HNF1B: variants seen among roughly 807,000 people sequenced by gnomAD.
HNF1B encodes HNF1 homeobox B.
Under a neutral mutation model 61.7 loss-of-function variants are expected in HNF1B, and 8 were observed. The observed-to-expected ratio is 0.13, with a 90% CI of 0.08 to 0.23. HNF1B has a LOEUF of 0.23. HNF1B is among the 10% of genes least tolerant of loss of function. The pLI, the probability that HNF1B is intolerant of heterozygous loss-of-function variation, is 1.00. For missense variants in HNF1B, 562 were observed against 714.5 expected (o/e 0.79, Z 2.43); for synonymous variants, 314 against 287.7 (o/e 1.09, Z -0.93).
At chr17:37,735,914 C>T (rs2033819904) in intron 2 of HNF1B, among the ~76,000 whole-genome samples, 1 of 152,220 alleles carries the variant, frequency 6.6e-6, no homozygotes, top group Admixed American at 6.5e-5. Flanking sequence ...GTGCAGGCCA[C>T]CACATCTGAC....
At chr17:37,714,263 A>T (rs1236440717) in intron 4 of HNF1B, among the ~76,000 whole-genome samples, 4 of 152,242 alleles carry the variant, frequency 2.6e-5, no homozygotes, top group African/African-American at 9.6e-5. Context: ...TGTTTAAAAG[A>T]CATTTTTAGG....
At chr17:37,738,327 C>G (rs1184043338) in intron 2 of HNF1B, among the ~76,000 whole-genome samples, 1 of 152,190 alleles carries the variant, frequency 6.6e-6, no homozygotes, top group Non-Finnish European at 1.5e-5. Flanking sequence ...GAAATGAACA[C>G]CTAAAACCAT....
At chr17:37,703,902 G>A (rs1208042867) in intron 6 of HNF1B, among the ~76,000 whole-genome samples, 1 of 152,202 alleles carries the variant, frequency 6.6e-6, no homozygotes, top group Admixed American at 6.5e-5. Context: ...GATTTAGGGA[G>A]AGAAGAGGGA....
At chr17:37,728,078 TCCACTTC>T (rs2033562444) in intron 4 of HNF1B, among the ~76,000 whole-genome samples, 1 of 151,782 alleles carries the variant, frequency 6.6e-6, no homozygotes. Flanking sequence ...CACTGCAACC[TCCACTTC>T]CCGCCTCCCG....
intron 4 of HNF1B, among the ~76,000 whole-genome samples, chr17:37,718,598 T>C (rs2033202417): frequency 6.6e-6 from 1 of 152,196 alleles, no homozygotes; most frequent in Admixed American, 6.5e-5. Context: ...TTCTCCCTCT[T>C]CCTCCTAAGC....
intron 1 of HNF1B, among the ~76,000 whole-genome samples, chr17:37,742,077 G>C (rs940708981): frequency 7.2e-5 from 11 of 152,244 alleles, no homozygotes; most frequent in Non-Finnish European, 1.5e-4. Flanking sequence ...AGGGCCTGCG[G>C]CCATTGTGTC....
chr17:37,704,298 T>C (rs2032668156), intron 6 of HNF1B, among the ~76,000 whole-genome samples: 1 of 152,242 alleles, frequency 6.6e-6, no homozygotes, highest in Admixed American at 6.5e-5. Flanking sequence ...TCTTCAGGCG[T>C]GTGATGTGCC....
chr17:37,737,770 G>T (rs2033875305), intron 2 of HNF1B, among the ~76,000 whole-genome samples: 1 of 152,122 alleles, frequency 6.6e-6, no homozygotes, highest in Non-Finnish European at 1.5e-5. Context: ...GGGAGGCGGA[G>T]CTTGCAGTGA....
chr17:37,689,758 C>T (rs3110638), intron 8 of HNF1B, among the ~76,000 whole-genome samples: 1,671 of 152,278 alleles, frequency 0.011, 22 homozygotes, highest in African/African-American at 0.038. Flanking sequence ...TAACATTTAT[C>T]GACATCCTAC....
At chr17:37,734,860 C>G (rs1216392498) in intron 2 of HNF1B, among the ~76,000 whole-genome samples, 2 of 146,878 alleles carry the variant, frequency 1.4e-5, no homozygotes, top group African/African-American at 5.1e-5. Flanking sequence ...GTGATCTCGG[C>G]TCACTACAAT....
rs2033699886 is a variant in HNF1B, at chr17:37,731,887, G to C, written c.810-57C>G. ...AGGGGGGGCGGGGGGACTTGTTGGTGCTTGGCCAAAAACACACAATCACAG... is the reference window on the plus strand; with the variant it reads ...AGGGGGGGCGGGGGGACTTGTTGGTCCTTGGCCAAAAACACACAATCACAG... On this transcript the variant is annotated intron_variant, in intron 3 of 8. Transcript: ENST00000617811. 4.2e-6 allele frequency: 5 copies of C among 1,189,978 alleles called. No individual in the cohort carries two copies. The East Asian group carries it at 1.2e-4, about 28-fold the overall frequency. The allele number at this position is 1,189,978 out of a possible 1,614,324, so 73.7% of individuals were successfully genotyped here.
At chr17:37,716,771 G>C (rs898851968) in intron 4 of HNF1B, among the ~76,000 whole-genome samples, 1 of 151,884 alleles carries the variant, frequency 6.6e-6, no homozygotes, top group African/African-American at 2.4e-5. Flanking sequence ...TCAGCTCTAA[G>C]AGCTTCAAAA....
chr17:37,742,614 T>C (rs1475928828), intron 1 of HNF1B, among the ~76,000 whole-genome samples: 1 of 152,000 alleles, frequency 6.6e-6, no homozygotes, highest in African/African-American at 2.4e-5. Flanking sequence ...AGCCTCCAGG[T>C]CTGTCCCGCG....
intron 4 of HNF1B, 160 bp downstream of exon 4, chr17:37,731,435 A>G (rs563427353): frequency 2.7e-6 from 2 of 728,238 alleles, no homozygotes; most frequent in Non-Finnish European, 5.0e-6. Context: ...GATCAGAGCC[A>G]CACATTATTT....
At chr17:37,703,779 A>G (rs2032649162) in intron 6 of HNF1B, among the ~76,000 whole-genome samples, 1 of 152,184 alleles carries the variant, frequency 6.6e-6, no homozygotes, top group African/African-American at 2.4e-5. Flanking sequence ...AGAGCCACAC[A>G]TATTCAATAA....
In HNF1B at chr17:37,744,703, A is replaced by C. The variant is rs147816724; in HGVS notation, c.182T>G (p.Val61Gly). 561 of 1,613,242 alleles carry C rather than the reference A, an allele frequency of 3.5e-4. 1 individual carries two copies. The highest frequency in any genetic ancestry group is 3.4e-4 in the Non-Finnish European group (407 of 1,180,018). Residue 61 changes from valine (V) to glycine (G), a missense_variant, in exon 1 of 9, where the codon GTC becomes GGC. Transcript: ENST00000617811. ...GSGAEPDTKP[V>G]FHTLTNGHAK... Reference sequence around the variant, plus strand: ...GTGGCCGTTGGTGAGAGTATGGAAGACCGGCTTGGTGTCGGGCTCGGCCCC... The same window carrying C: ...GTGGCCGTTGGTGAGAGTATGGAAGCCCGGCTTGGTGTCGGGCTCGGCCCC...
chr17:37,700,491 G>T lies in HNF1B; in HGVS notation c.1534+492C>A, dbSNP rs374784642. ...TGGTTCTTGATTAGAGATGTTTGGG[G>T]TGTATAAATTGGAGGACACGGGACT... On this transcript the variant is annotated intron_variant, in intron 7 of 8. Transcript: ENST00000617811. Among the ~76,000 whole-genome samples, 11 of 152,306 alleles carry T rather than the reference G, an allele frequency of 7.2e-5. No homozygotes were observed. The East Asian group carries it at 1.9e-3, about 27-fold the overall frequency.
chr17:37,731,373 AG>A, intron 4 of HNF1B: 1 of 662,706 alleles, frequency 1.5e-6, no homozygotes, highest in Non-Finnish European at 2.8e-6. Context: ...GCTCCCTGGA[AG>A]CCGAGTGAGC....
chr17:37,687,369 G>A lies in HNF1B; in HGVS notation c.*3C>T. 6.2e-7 allele frequency: 1 copy of A among 1,613,958 alleles called. No individual in the cohort carries two copies. Among genetic ancestry groups the A allele is most frequent in the Non-Finnish European group, 8.5e-7 (1 of 1,179,932 alleles). On this transcript the variant is annotated 3_prime_UTR_variant, in exon 9 of 9. Coordinates refer to ENST00000617811, the MANE Select transcript of HNF1B (RefSeq NM_000458.4). ...TGCGCACGAAGTAAGTGGTGTGTGG[G>A]CATCACCAGGCTTGTAGAGGACACT...
Sources: allele counts gnomAD v4.1 joint callset (sites outside exome capture counted in the v4.1 genomes callset), GRCh38; gene constraint gnomAD v4.1.1; transcripts MANE v1.5; gene names NCBI Gene and HGNC (gene_info 2026-07-23, HGNC 2026-07-21).